The following DNAJC5B variants were observed in gnomAD, a reference collection of about 807,000 sequenced individuals.
DNAJC5B encodes DnaJ heat shock protein family (Hsp40) member C5 beta, also known as dnaJ homolog subfamily C member 5B.
DNAJC5B carries 23 observed loss-of-function variants against 24.7 expected under a neutral mutation model. That is an observed-to-expected ratio of 0.93 (90% CI 0.67 to 1.32). The LOEUF (loss-of-function observed/expected upper bound fraction) is 1.32. Ranked by LOEUF, DNAJC5B falls within the 40% of genes most tolerant of loss-of-function variation. The pLI is 0.00. For missense variants in DNAJC5B, 238 were observed against 240.8 expected, an observed-to-expected ratio of 0.99 and a Z score of 0.08; for synonymous variants, 101 against 90.1, an observed-to-expected ratio of 1.12 and a Z score of -0.68.
intron 5 of DNAJC5B, among the ~76,000 whole-genome samples, chr8:66,086,661 A>G (rs1032877581): frequency 1.3e-5 from 2 of 152,196 alleles, no homozygotes; most frequent in Non-Finnish European, 2.9e-5. Flanking sequence ...TTAAGATGAG[A>G]CAAGGTGGGA....
intron 5 of DNAJC5B, among the ~76,000 whole-genome samples, chr8:66,082,893 G>A (rs559847027): frequency 6.6e-6 from 1 of 151,780 alleles, no homozygotes; most frequent in African/African-American, 2.4e-5. Flanking sequence ...TTAATTAACT[G>A]TCTGGCACAG....
chr8:66,018,247 A>G (rs115161295), upstream of DNAJC5B, among the ~76,000 whole-genome samples: 3,252 of 152,256 alleles, frequency 0.021, 131 homozygotes, highest in African/African-American at 0.074. Flanking sequence ...AGCCGGGCGC[A>G]GTGGCTCACT....
At chr8:66,048,495 C>A (rs1806773945) in intron 2 of DNAJC5B, among the ~76,000 whole-genome samples, 1 of 152,180 alleles carries the variant, frequency 6.6e-6, no homozygotes, top group African/African-American at 2.4e-5. Flanking sequence ...TCTCTTCAGT[C>A]TCTAAGTTCT....
chr8:66,032,505 G>T (rs189984129), intron 1 of DNAJC5B, among the ~76,000 whole-genome samples: 15 of 152,252 alleles, frequency 9.9e-5, no homozygotes, highest in Admixed American at 8.5e-4. Context: ...CTCTGCTTGG[G>T]AGGGAGGCAG....
At chr8:66,035,427 G>A (rs1806460777) in intron 1 of DNAJC5B, among the ~76,000 whole-genome samples, 2 of 152,134 alleles carry the variant, frequency 1.3e-5, no homozygotes, top group Admixed American at 6.5e-5. Flanking sequence ...AGTAGGGTGG[G>A]CCCTTAATCC....
chr8:66,059,120 G>A (rs1304796193), intron 3 of DNAJC5B, among the ~76,000 whole-genome samples: 5 of 152,180 alleles, frequency 3.3e-5, no homozygotes, highest in Admixed American at 2.6e-4. Context: ...CCTTCATTAT[G>A]GAATAAATCT....
At chr8:66,021,156 C>T (rs1283440018), upstream of DNAJC5B, among the ~76,000 whole-genome samples, 3 of 152,116 alleles carry the variant, frequency 2.0e-5, no homozygotes, top group African/African-American at 4.8e-5. Context: ...CCATAATGTA[C>T]ATTATCCAAA....
At chr8:66,052,429 T>A (rs1806871795) in intron 3 of DNAJC5B, among the ~76,000 whole-genome samples, 1 of 152,182 alleles carries the variant, frequency 6.6e-6, no homozygotes, top group African/African-American at 2.4e-5. Flanking sequence ...CTTTGAAATG[T>A]CTTTTTATTT....
intron 1 of DNAJC5B, among the ~76,000 whole-genome samples, chr8:66,023,714 A>T (rs1352798741): frequency 6.6e-6 from 1 of 152,118 alleles, no homozygotes; most frequent in East Asian, 1.9e-4. Context: ...GTGGTATCCG[A>T]CCTACACTTA....
chr8:66,093,806 A>G (rs1807895752), intron 5 of DNAJC5B, among the ~76,000 whole-genome samples: 1 of 152,176 alleles, frequency 6.6e-6, no homozygotes, highest in Non-Finnish European at 1.5e-5. Flanking sequence ...TACCTCAAAC[A>G]TATAAAGATG....
intron 2 of DNAJC5B, among the ~76,000 whole-genome samples, chr8:66,049,718 T>C (rs1427722647): frequency 6.6e-6 from 1 of 152,224 alleles, no homozygotes; most frequent in South Asian, 2.1e-4. Context: ...GTGTAGTAGA[T>C]TATCTTCAGT....
At chr8:66,039,080 T>C (rs550246238) in intron 1 of DNAJC5B, among the ~76,000 whole-genome samples, 1 of 152,310 alleles carries the variant, frequency 6.6e-6, no homozygotes, top group African/African-American at 2.4e-5. Flanking sequence ...TACCACAATG[T>C]TTTTCTTTAG....
intron 3 of DNAJC5B, among the ~76,000 whole-genome samples, chr8:66,053,182 C>T (rs1372524131): frequency 6.6e-6 from 1 of 152,096 alleles, no homozygotes; most frequent in African/African-American, 2.4e-5. Flanking sequence ...AGTAATCCTC[C>T]CACCTTGGCC....
In DNAJC5B at chr8:66,077,328, AGAG is replaced by A. The variant is rs374549985; in HGVS notation, c.333+459_333+461del. On this transcript the variant is annotated intron_variant, in intron 4 of 5. Transcript: ENST00000276570. ...ACTCACTTGGAGCCTGCTGTGAGGTAGAGGAGAAGGAAATTAGGGGGAAAAGGT... is the reference window on the plus strand; with the variant it reads ...ACTCACTTGGAGCCTGCTGTGAGGTAGAGAAGGAAATTAGGGGGAAAAGGT... Among the ~76,000 whole-genome samples, 39 of 152,306 alleles carry A rather than the reference AGAG, an allele frequency of 2.6e-4. 3 individuals are homozygous for A. The highest frequency in any genetic ancestry group is 2.3e-3 in the South Asian group (11 of 4,822).
At chr8:66,069,494 C>T (rs1177103227) in intron 3 of DNAJC5B, among the ~76,000 whole-genome samples, 1 of 152,148 alleles carries the variant, frequency 6.6e-6, no homozygotes, top group East Asian at 1.9e-4. Flanking sequence ...TGACACCCTC[C>T]AAAGTCTAAA....
chr8:66,063,020 A>G (rs1275275629), intron 3 of DNAJC5B, among the ~76,000 whole-genome samples: 1 of 152,190 alleles, frequency 6.6e-6, no homozygotes, highest in Non-Finnish European at 1.5e-5. Context: ...TAAAAAACAA[A>G]CAAACAAAAA....
At chr8:66,076,470 C>T (rs1415895058) in intron 3 of DNAJC5B, among the ~76,000 whole-genome samples, 190 bp from the exon 4 acceptor site, 1 of 152,098 alleles carries the variant, frequency 6.6e-6, no homozygotes, top group African/African-American at 2.4e-5. Context: ...AGTACTATTG[C>T]GCCTGTGCAT....
intron 3 of DNAJC5B, among the ~76,000 whole-genome samples, chr8:66,052,476 G>A (rs1232625704): frequency 6.6e-6 from 1 of 152,070 alleles, no homozygotes; most frequent in Non-Finnish European, 1.5e-5. Context: ...AGGGAGAAAT[G>A]CCATTACTAC....
chr8:66,077,691 G>A (rs773828400), intron 4 of DNAJC5B, among the ~76,000 whole-genome samples: 3 of 152,204 alleles, frequency 2.0e-5, no homozygotes, highest in African/African-American at 7.2e-5. Flanking sequence ...ATCTAAAAAG[G>A]CAGGTTTACT....
Sources: allele counts gnomAD v4.1 joint callset (sites outside exome capture counted in the v4.1 genomes callset), GRCh38; gene constraint gnomAD v4.1.1; transcripts MANE v1.5; gene names NCBI Gene and HGNC (gene_info 2026-07-23, HGNC 2026-07-21).